Variants in SLC75A1 observed in about 807,000 individuals in gnomAD.
SLC75A1 encodes solute carrier family 75 member 1.
the SLC75A1 span, chr4:2,930,862 C>A: frequency 1.6e-5 from 26 of 1,612,916 alleles, no homozygotes; most frequent in African/African-American, 3.1e-4. Context: ...GCGTCTGTGC[C>A]GGGTAACTCA....
At chr4:2,931,553 A>G in the SLC75A1 span, 1 of 1,611,176 alleles carries the variant, frequency 6.2e-7, no homozygotes, top group African/African-American at 1.3e-5. Flanking sequence ...GGAGCCCCCT[A>G]CCCGCTTCAC....
the SLC75A1 span, chr4:2,933,240 G>A: frequency 1.3e-6 from 2 of 1,586,814 alleles, no homozygotes; most frequent in African/African-American, 1.3e-5. Context: ...TCATGGGGCT[G>A]CCTGGCACCA....
the SLC75A1 span, chr4:2,930,903 A>G: frequency 6.2e-7 from 1 of 1,613,074 alleles, no homozygotes; most frequent in Non-Finnish European, 8.5e-7. Flanking sequence ...GGGAGCAAAA[A>G]GAGCCCGGAC....
the SLC75A1 span, chr4:2,933,695 G>T: frequency 6.2e-7 from 1 of 1,612,112 alleles, no homozygotes; most frequent in Non-Finnish European, 8.5e-7. Flanking sequence ...TAAGGGCTGG[G>T]GAGGTCTGAT....
At chr4:2,934,037 A>C in the SLC75A1 span, 1 of 1,180,544 alleles carries the variant, frequency 8.5e-7, no homozygotes, top group Non-Finnish European at 1.2e-6. Flanking sequence ...AGCACCCTAA[A>C]GGGGCTGATG....
the SLC75A1 span, chr4:2,932,305 C>T: frequency 6.3e-7 from 1 of 1,584,654 alleles, no homozygotes; most frequent in Admixed American, 1.8e-5. Flanking sequence ...GCTATGGAAT[C>T]AAGCCTCCAG....
chr4:2,933,183 G>A, the SLC75A1 span: 1 of 1,613,684 alleles, frequency 6.2e-7, no homozygotes, highest in East Asian at 2.2e-5. Context: ...AGAAACTGCA[G>A]GACAGAGAAT....
At chr4:2,930,583 T>TTTA in the SLC75A1 span, 5 of 562,646 alleles carry the variant, frequency 8.9e-6, no homozygotes, top group East Asian at 1.5e-4. Context: ...AAACAGGTGC[T>TTTA]TTATTTCATC....
chr4:2,931,430 G>A, the SLC75A1 span: 27 of 1,558,068 alleles, frequency 1.7e-5, no homozygotes, highest in Admixed American at 2.9e-4. Flanking sequence ...GTCCCCAGCC[G>A]ATGAGGAGGA....
chr4:2,933,634 C>T, the SLC75A1 span: 1 of 1,613,732 alleles, frequency 6.2e-7, no homozygotes, highest in Admixed American at 1.7e-5. Context: ...ACCAGTCCAC[C>T]CCGCCCTGCC....
chr4:2,933,759 A>T, the SLC75A1 span: 1 of 1,599,848 alleles, frequency 6.3e-7, no homozygotes, highest in Non-Finnish European at 8.5e-7. Context: ...TCACGTGGGC[A>T]CGGCCGTGGC....
At chr4:2,933,204 T>C in the SLC75A1 span, 12 of 1,613,450 alleles carry the variant, frequency 7.4e-6, no homozygotes, top group Non-Finnish European at 8.5e-6. Context: ...GCCGAGCCAA[T>C]GAGACCTGAG....
the SLC75A1 span, chr4:2,933,036 C>A: frequency 6.7e-7 from 1 of 1,482,788 alleles, no homozygotes. Flanking sequence ...CCTCTCCCCA[C>A]CTAACCCCAT....
the SLC75A1 span, chr4:2,931,268 G>A: frequency 6.4e-7 from 1 of 1,557,072 alleles, no homozygotes; most frequent in Non-Finnish European, 8.7e-7. Flanking sequence ...CACCACAACG[G>A]CGGCGGCTGG....
the SLC75A1 span, chr4:2,931,897 A>G: frequency 1.2e-6 from 2 of 1,611,568 alleles, no homozygotes; most frequent in Non-Finnish European, 8.5e-7. Context: ...GAAGAGGTAG[A>G]GGAAGTAGAC....
the SLC75A1 span, chr4:2,931,692 C>G: frequency 4.4e-6 from 7 of 1,598,656 alleles, no homozygotes; most frequent in African/African-American, 1.3e-5. Context: ...GTGCAGGGCA[C>G]CCGGGGCAGG....
chr4:2,931,851 G>A, the SLC75A1 span: 1 of 1,608,186 alleles, frequency 6.2e-7, no homozygotes, highest in Non-Finnish European at 8.5e-7. Context: ...GCTGGTGTGT[G>A]AGGAAGCTCA....
the SLC75A1 span, chr4:2,932,235 C>G: frequency 6.5e-7 from 1 of 1,548,964 alleles, no homozygotes; most frequent in Non-Finnish European, 8.7e-7. Flanking sequence ...GGTCCCAACA[C>G]CAAGAGAGCG....
the SLC75A1 span, chr4:2,934,485 C>A: frequency 7.6e-6 from 1 of 131,034 alleles, no homozygotes; most frequent in African/African-American, 2.8e-5. Flanking sequence ...CCGCGCGCCC[C>A]CGGTCCCGCC....
Sources: gnomAD v4.1 joint callset for allele counts on GRCh38, gnomAD v4.1.1 for gene constraint, MANE v1.5 for transcripts, NCBI Gene and HGNC (gene_info 2026-07-23, HGNC 2026-07-21) for gene names.